The following NRXN3 variants were observed in gnomAD, a reference collection of about 807,000 sequenced individuals.
The protein encoded by NRXN3 is neurexin III.
In NRXN3, 32 loss-of-function variants were observed where a neutral mutation model predicts 137.6. The observed-to-expected ratio is 0.23, with a 90% confidence interval of 0.18 to 0.31. The LOEUF (loss-of-function observed/expected upper bound fraction) is 0.31. Ranked by LOEUF, NRXN3 falls within the 10% of genes least tolerant of loss-of-function variation. The probability of loss-of-function intolerance (pLI) is 1.00; values close to 1 mark genes in which losing one functional copy is unlikely to be tolerated. For missense variants in NRXN3, 1,574 were observed against 2,062.5 expected (o/e 0.76, Z 4.59); for synonymous variants, 798 against 784.5 (o/e 1.02, Z -0.29).
chr14:79,139,854 G>C (rs2058625833), intron 15 of NRXN3, among the ~76,000 whole-genome samples: 2 of 151,052 alleles, frequency 1.3e-5, no homozygotes, highest in South Asian at 4.2e-4. Flanking sequence ...AATGCTGCCA[G>C]GATCACATGC....
chr14:79,490,972 A>T (rs2096711139), intron 16 of NRXN3, among the ~76,000 whole-genome samples: 1 of 152,222 alleles, frequency 6.6e-6, no homozygotes, highest in African/African-American at 2.4e-5. Flanking sequence ...AAAAAAATGA[A>T]TAAAAACATC....
intron 4 of NRXN3, among the ~76,000 whole-genome samples, chr14:78,592,540 C>T (rs1380901996): frequency 6.6e-6 from 1 of 152,138 alleles, no homozygotes; most frequent in Non-Finnish European, 1.5e-5. Flanking sequence ...GTCTTTCTGC[C>T]TGGATATATC....
At chr14:79,470,884 G>C (rs2096491679) in intron 16 of NRXN3, among the ~76,000 whole-genome samples, 1 of 150,926 alleles carries the variant, frequency 6.6e-6, no homozygotes, top group Non-Finnish European at 1.5e-5. Context: ...GAGAGAGAGA[G>C]AGAAAGAGAG....
chr14:79,259,545 A>C (rs977520046), intron 15 of NRXN3, among the ~76,000 whole-genome samples: 2 of 148,308 alleles, frequency 1.3e-5, no homozygotes, highest in African/African-American at 2.5e-5. Flanking sequence ...ATAGTTATCT[A>C]TATATATAGC....
At chr14:79,161,940 G>A (rs2153066003) in intron 15 of NRXN3, among the ~76,000 whole-genome samples, 1 of 151,932 alleles carries the variant, frequency 6.6e-6, no homozygotes, top group Middle Eastern at 3.4e-3. Context: ...GGTAAAGACA[G>A]CCCAGACTGT....
intron 4 of NRXN3, among the ~76,000 whole-genome samples, chr14:78,548,707 T>A (rs887961372): frequency 6.6e-6 from 1 of 152,186 alleles, no homozygotes; most frequent in African/African-American, 2.4e-5. Flanking sequence ...TCCTCTGTTG[T>A]TTGCCCATCC....
chr14:78,393,327 T>A (rs2091014155), intron 4 of NRXN3, among the ~76,000 whole-genome samples: 1 of 152,120 alleles, frequency 6.6e-6, no homozygotes, highest in South Asian at 2.1e-4. Flanking sequence ...GAAACTATTG[T>A]GTAATGTAAC....
chr14:78,491,645 A>G (rs1271710688), intron 4 of NRXN3, among the ~76,000 whole-genome samples: 1 of 152,160 alleles, frequency 6.6e-6, no homozygotes, highest in African/African-American at 2.4e-5. Context: ...TGTATTTTAT[A>G]ACTCTTTGGG....
At chr14:78,415,067 A>G (rs1442147909) in intron 4 of NRXN3, among the ~76,000 whole-genome samples, 1 of 152,198 alleles carries the variant, frequency 6.6e-6, no homozygotes. Context: ...AAAGGAGAGT[A>G]AAAACCCAGG....
intron 15 of NRXN3, among the ~76,000 whole-genome samples, chr14:79,221,324 G>T (rs760321579): frequency 6.6e-6 from 1 of 152,042 alleles, no homozygotes; most frequent in Non-Finnish European, 1.5e-5. Flanking sequence ...TTGAGTAATT[G>T]CTACACTGTT....
rs869216055 is a variant in NRXN3 at position 79,740,712 on chromosome 14, TTATATATATATATATATATATATATA to T, written c.4014+42806_4014+42831del. ...TCCACTGGACTTTGCATTTAGTTTTTTATATATATATATATATATATATATATATATATATATATATATATATATAT... is the reference window on the plus strand; with the variant it reads ...TCCACTGGACTTTGCATTTAGTTTTTTATATATATATATATATATATATAT... On this transcript the variant is annotated intron_variant, in intron 19 of 20. Coordinates refer to ENST00000335750, the MANE Select transcript of NRXN3 (RefSeq NM_001330195.2). 8.8e-3 allele frequency among the ~76,000 whole-genome samples: 143 copies of T among 16,162 alleles called. 4 individuals carry two copies. Among genetic ancestry groups the T allele is most frequent in the South Asian group, 0.024 (14 of 586 alleles). 10.6% of individuals were successfully genotyped at this position (16,162 alleles called of 152,430 possible).
chr14:78,714,852 C>G lies in NRXN3; in HGVS notation c.1757C>G (p.Pro586Arg). The G allele has an allele frequency of 1.2e-6, 2 of 1,614,152 alleles. No individual in the cohort carries two copies. The highest frequency in any genetic ancestry group is 2.2e-5 in the East Asian group (1 of 44,868). Residue 586 changes from proline to arginine, a missense_variant, in exon 8 of 21, where the codon CCG becomes CGG. Coordinates refer to ENST00000335750, the MANE Select transcript of NRXN3 (RefSeq NM_001330195.2). ...GGAGACATGTACCTGGGAGGGCTGC[C>G]GGAGAACCGTGCTGGCCTTATTCTC... The part of the protein sequence containing the change: ...LEGDMYLGGL[P>R]ENRAGLILPT...
At chr14:78,271,476 T>A (rs1289879178) in intron 2 of NRXN3, among the ~76,000 whole-genome samples, 17 of 104,354 alleles carry the variant, frequency 1.6e-4, no homozygotes, top group South Asian at 3.1e-4. Flanking sequence ...CTAAAGCATT[T>A]AAAAAAAAAA....
intron 15 of NRXN3, among the ~76,000 whole-genome samples, chr14:79,022,336 C>T (rs2099591140): frequency 6.6e-6 from 1 of 152,114 alleles, no homozygotes; most frequent in Non-Finnish European, 1.5e-5. Flanking sequence ...ATAAATGCTT[C>T]CCAATTCTTT....
At chr14:79,073,044 G>A (rs113553502) in intron 15 of NRXN3, among the ~76,000 whole-genome samples, 5 of 151,818 alleles carry the variant, frequency 3.3e-5, no homozygotes, top group African/African-American at 9.7e-5. Flanking sequence ...CCACCACCAC[G>A]CCTGGCTAAT....
At chr14:78,511,276 T>C (rs1246639737) in intron 4 of NRXN3, among the ~76,000 whole-genome samples, 1 of 152,222 alleles carries the variant, frequency 6.6e-6, no homozygotes, top group Non-Finnish European at 1.5e-5. Context: ...ATAACCTTTG[T>C]GTCATGATTC....
At chr14:78,220,622 T>A (rs1021022813) in intron 1 of NRXN3, among the ~76,000 whole-genome samples, 8 of 151,506 alleles carry the variant, frequency 5.3e-5, no homozygotes, top group African/African-American at 1.9e-4. Flanking sequence ...GAGGGAAGAG[T>A]CCCGTTTTCT....
intron 4 of NRXN3, among the ~76,000 whole-genome samples, chr14:78,409,859 CA>C (rs1351505098): frequency 1.3e-5 from 2 of 152,082 alleles, no homozygotes; most frequent in East Asian, 3.9e-4. Context: ...TGCCTTAAGC[CA>C]AAGGAAATTT....
chr14:78,759,284 C>T (rs1401450124), intron 8 of NRXN3, among the ~76,000 whole-genome samples: 3 of 152,182 alleles, frequency 2.0e-5, no homozygotes, highest in African/African-American at 7.2e-5. Flanking sequence ...AGAATGATAA[C>T]AACGACAAAC....
Sources: gnomAD v4.1 joint callset for allele counts (sites outside exome capture counted in the v4.1 genomes callset) on GRCh38, gnomAD v4.1.1 for gene constraint, MANE v1.5 for transcripts, NCBI Gene and HGNC (gene_info 2026-07-23, HGNC 2026-07-21) for gene names.